Variants in SLC25A26 observed in about 807,000 individuals in gnomAD.
SLC25A26 encodes mitochondrial S-adenosylmethionine carrier protein.
In SLC25A26, 36 loss-of-function variants were observed where a neutral mutation model predicts 37.8. That is an observed-to-expected ratio of 0.95 (90% CI 0.73 to 1.26). The LOEUF (loss-of-function observed/expected upper bound fraction) is 1.26. Among genes scored for constraint, SLC25A26 ranks in the 50% most tolerant of loss-of-function variants. The pLI is 0.00. For missense variants in SLC25A26, 390 were observed against 331.1 expected (o/e 1.18, Z -1.38); for synonymous variants, 129 against 122.5 (o/e 1.05, Z -0.35).
intron 5 of SLC25A26, among the ~76,000 whole-genome samples, chr3:66,272,233 T>G (rs141622760): frequency 6.6e-6 from 1 of 152,152 alleles, no homozygotes; most frequent in African/African-American, 2.4e-5. Flanking sequence ...AAGTTTGTGG[T>G]TGGCCCAGGG....
At chr3:66,259,620 T>C (rs1182892218) in intron 3 of SLC25A26, among the ~76,000 whole-genome samples, 9 of 152,190 alleles carry the variant, frequency 5.9e-5, no homozygotes, top group Non-Finnish European at 1.3e-4. Context: ...TTCCTCAGAT[T>C]TGACCTTCTC....
At chr3:66,342,519 C>T (rs2107722234) in intron 5 of SLC25A26, among the ~76,000 whole-genome samples, 1 of 152,258 alleles carries the variant, frequency 6.6e-6, no homozygotes, top group South Asian at 2.1e-4. Flanking sequence ...TTCTAAATCA[C>T]TTTGCTGTTT....
intron 1 of SLC25A26, among the ~76,000 whole-genome samples, chr3:66,182,408 A>T (rs1193363978): frequency 5.9e-5 from 9 of 152,106 alleles, no homozygotes; most frequent in Non-Finnish European, 1.2e-4. Flanking sequence ...AGTTATGGCA[A>T]TTCCCAATGA....
chr3:66,340,099 G>A (rs79022519), intron 5 of SLC25A26, among the ~76,000 whole-genome samples: 1 of 151,942 alleles, frequency 6.6e-6, no homozygotes, highest in Non-Finnish European at 1.5e-5. Flanking sequence ...AATATCGTTT[G>A]TTGAAAAGAT....
upstream of SLC25A26, chr3:66,220,898 G>A (rs905262939): frequency 1.3e-5 from 8 of 633,276 alleles, no homozygotes; most frequent in East Asian, 6.2e-5. Flanking sequence ...CACACTCCCC[G>A]AGGCCCCGCC....
chr3:66,240,731 G>A (rs950817391), intron 2 of SLC25A26, among the ~76,000 whole-genome samples: 1 of 149,304 alleles, frequency 6.7e-6, no homozygotes, highest in Admixed American at 6.7e-5. Context: ...TCATGACAGG[G>A]CTAGCCTTTT....
At chr3:66,209,977 T>C (rs2071262670) in intron 1 of SLC25A26, among the ~76,000 whole-genome samples, 1 of 115,386 alleles carries the variant, frequency 8.7e-6, no homozygotes. Context: ...AAGAGTACCC[T>C]GAAGATGTCT....
Position 66,267,188 on chromosome 3 carries a change from A to G in SLC25A26, c.453+3809A>G, listed in dbSNP as rs569294433. 1.3e-3 allele frequency among the ~76,000 whole-genome samples: 199 copies of G among 148,976 alleles called. 5 individuals are homozygous for G. In the South Asian group the frequency reaches 0.035, roughly 26 times the overall value. ...TGCAGGTGGGGTTACAGACGAAGCA[A>G]TGCTTGAGTGGTGCTCAGTTAGCAT... On this transcript the variant is annotated intron_variant, in intron 5 of 9. Transcript: ENST00000354883.
chr3:66,355,434 A>G (rs6795231), intron 6 of SLC25A26, among the ~76,000 whole-genome samples: 2,176 of 152,316 alleles, frequency 0.014, 47 homozygotes, highest in African/African-American at 0.049. Flanking sequence ...CCTGTATACC[A>G]TAAGGGATTC....
At chr3:66,337,371 C>T (rs2076113440) in intron 5 of SLC25A26, among the ~76,000 whole-genome samples, 1 of 151,950 alleles carries the variant, frequency 6.6e-6, no homozygotes, top group Non-Finnish European at 1.5e-5. Flanking sequence ...GAATGTCCTA[C>T]ACATTAGAAA....
intron 5 of SLC25A26, among the ~76,000 whole-genome samples, chr3:66,316,285 C>T (rs888956540): frequency 6.6e-6 from 1 of 152,212 alleles, no homozygotes; most frequent in African/African-American, 2.4e-5. Flanking sequence ...GTGCTTCCTT[C>T]AGGAACTCTT....
chr3:66,274,830 G>T (rs1159153183), intron 5 of SLC25A26, among the ~76,000 whole-genome samples: 1 of 152,128 alleles, frequency 6.6e-6, no homozygotes, highest in Non-Finnish European at 1.5e-5. Flanking sequence ...AACCATTGTG[G>T]AAGTCAGTGT....
chr3:66,221,146 G>A lies in SLC25A26; in HGVS notation c.33+19G>A. On this transcript the variant is annotated intron_variant, in intron 1 of 9. Transcript: ENST00000354883. ...GCTGGTGGTGAGTGCGGGGCGGTGG[G>A]GTGGGTTGCTCAGAGTGCCGGCGTC... 6.6e-7 allele frequency: 1 copy of A among 1,511,012 alleles called. No individual in the cohort carries two copies. The highest frequency in any genetic ancestry group is 8.8e-7 in the Non-Finnish European group (1 of 1,137,030). 93.6% of individuals were successfully genotyped at this position (1,511,012 alleles called of 1,614,324 possible). A position where few individuals can be genotyped will look rare whatever the true frequency, so the allele number is the denominator to read the frequency against.
chr3:66,162,862 T>C (rs1172709535), intron 1 of SLC25A26, among the ~76,000 whole-genome samples: 1 of 152,168 alleles, frequency 6.6e-6, no homozygotes, highest in Non-Finnish European at 1.5e-5. Flanking sequence ...TCCCATTTCA[T>C]CCTCACAAAT....
chr3:66,151,679 A>G (rs1394551588), intron 1 of SLC25A26, among the ~76,000 whole-genome samples: 2 of 152,052 alleles, frequency 1.3e-5, no homozygotes. Context: ...TGACTTGGGT[A>G]CTTTCCTCTT....
At chr3:66,354,011 CTG>C (rs1344192648) in intron 6 of SLC25A26, among the ~76,000 whole-genome samples, 1 of 152,164 alleles carries the variant, frequency 6.6e-6, no homozygotes, top group Non-Finnish European at 1.5e-5. Context: ...TCTACGTTAA[CTG>C]TTTTATTTGT....
intron 1 of SLC25A26, among the ~76,000 whole-genome samples, chr3:66,199,816 C>T (rs999256572): frequency 8.1e-4 from 124 of 152,216 alleles, no homozygotes; most frequent in African/African-American, 2.9e-3. Flanking sequence ...TTTTACCCTA[C>T]ACCTGACACC....
At chr3:66,143,287 C>T (rs1444300912) in intron 1 of SLC25A26, among the ~76,000 whole-genome samples, 1 of 152,128 alleles carries the variant, frequency 6.6e-6, no homozygotes, top group Non-Finnish European at 1.5e-5. Context: ...GTGAATAGTG[C>T]TGGTATAACA....
intron 5 of SLC25A26, among the ~76,000 whole-genome samples, chr3:66,322,738 A>G (rs765112317): frequency 6.6e-5 from 10 of 151,258 alleles, no homozygotes; most frequent in Admixed American, 6.5e-4. Flanking sequence ...CTGAATTTAT[A>G]GCTCAGCACT....
Sources: allele counts gnomAD v4.1 joint callset (sites outside exome capture counted in the v4.1 genomes callset), GRCh38; gene constraint gnomAD v4.1.1; transcripts MANE v1.5; gene names NCBI Gene and HGNC (gene_info 2026-07-23, HGNC 2026-07-21).